The following PXDNL variants were observed in gnomAD, a reference collection of about 807,000 sequenced individuals.
PXDNL encodes the protein peroxidasin like.
A neutral mutation model predicts 150.8 loss-of-function variants in PXDNL; 145 were observed. That is an observed-to-expected ratio of 0.96 (90% CI 0.84 to 1.10). The LOEUF (loss-of-function observed/expected upper bound fraction) is 1.10, where lower values mean the gene tolerates loss of function less well. PXDNL is among the 50% of genes least tolerant of loss of function. The pLI, the probability that PXDNL is intolerant of heterozygous loss-of-function variation, is 0.00. For synonymous variants in PXDNL, 757 were observed against 725.7 expected, an observed-to-expected ratio of 1.04 and a Z score of -0.69; for missense variants, 2,087 against 1,873.9, an observed-to-expected ratio of 1.11 and a Z score of -2.10.
At chr8:51,655,116 T>C (rs1815123810) in intron 1 of PXDNL, among the ~76,000 whole-genome samples, 1 of 152,320 alleles carries the variant, frequency 6.6e-6, no homozygotes, top group Non-Finnish European at 1.5e-5. Flanking sequence ...TACATTTAGT[T>C]TGGAAAATAA....
In PXDNL at chr8:51,344,171, C is replaced by A. The variant is rs540902386; in HGVS notation, c.4016+1662G>T. Among the ~76,000 whole-genome samples the A allele has an allele frequency of 2.0e-5, 3 of 151,964 alleles. No individual in the cohort carries two copies. In the East Asian group the frequency reaches 5.8e-4, roughly 29 times the overall value. The stretch of plus-strand genomic sequence containing the variant: ...TCAGGGTGGAGTATAGTGCCGTGAT[C>A]GTAATTCATGGGAACCTCAAACTCC... On this transcript the variant is annotated intron_variant, in intron 20 of 22. Transcript: ENST00000356297.
At position 51,502,569 on chromosome 8, in the gene PXDNL, G is replaced by T. The variant is rs569258812; in HGVS notation, c.381-2799C>A. Among the ~76,000 whole-genome samples the T allele has an allele frequency of 5.2e-4, 79 of 152,198 alleles. 1 individual carries two copies. Among genetic ancestry groups the T allele is most frequent in the African/African-American group, 1.9e-3 (77 of 41,508 alleles). On this transcript the variant is annotated intron_variant, in intron 4 of 22. Coordinates refer to ENST00000356297, the MANE Select transcript of PXDNL (RefSeq NM_144651.5). Reference sequence around the variant, plus strand: ...CATAAAACAACCTAACAGGTCACAGGAAAGGAGTCACGAGCCGGGTCTGTG... The same window carrying T: ...CATAAAACAACCTAACAGGTCACAGTAAAGGAGTCACGAGCCGGGTCTGTG...
intron 2 of PXDNL, among the ~76,000 whole-genome samples, chr8:51,652,805 G>A (rs543705028): frequency 1.1e-4 from 17 of 151,968 alleles, no homozygotes; most frequent in Non-Finnish European, 2.2e-4. Context: ...ATTTTATTAC[G>A]GTTTTCTAAT....
chr8:51,727,294 C>T (rs1430695440), intron 1 of PXDNL, among the ~76,000 whole-genome samples: 2 of 152,126 alleles, frequency 1.3e-5, no homozygotes, highest in African/African-American at 4.8e-5. Flanking sequence ...TATCATTTTA[C>T]AATTACATAC....
chr8:51,475,105 A>C lies in PXDNL; in HGVS notation c.561T>G (p.Asp187Glu). Residue 187 changes from aspartate (D) to glutamate (E), a missense_variant, in exon 7 of 23, where the codon GAT becomes GAG. Physicochemically the swap from Asp to Glu is conservative, Grantham distance 45 (BLOSUM62 2). Transcript: ENST00000356297. ...GTAAAAGCTCCCCCAGCCACATCAG[A>C]TCACAGTCACAAACCAGGGCGTTGG... ...LDSNALVCDC[D>E]LMWLGELLQG... 1 of 1,613,936 alleles carries C rather than the reference A, an allele frequency of 6.2e-7. No homozygotes were observed. Among genetic ancestry groups the C allele is most frequent in the Non-Finnish European group, 8.5e-7 (1 of 1,179,826 alleles).
At chr8:51,335,466 G>A (rs1364513163) in intron 21 of PXDNL, among the ~76,000 whole-genome samples, 1 of 152,102 alleles carries the variant, frequency 6.6e-6, no homozygotes, top group Non-Finnish European at 1.5e-5. Flanking sequence ...GCTTCCTGGT[G>A]AGCTCCTTTC....
rs11992330 is a variant in PXDNL at position 51,740,518 on chromosome 8, G to T, written c.164+68663C>A. ...GTTGCTTCTTGACTTTTTAATAATC[G>T]CCACTCTGACTGGCATGAGATGGTA... On this transcript the variant is annotated intron_variant, in intron 1 of 22. Coordinates refer to ENST00000356297, the MANE Select transcript of PXDNL (RefSeq NM_144651.5). Among the ~76,000 whole-genome samples, 43 of 152,018 alleles carry T rather than the reference G, an allele frequency of 2.8e-4. 1 individual carries two copies. Among genetic ancestry groups the T allele is most frequent in the African/African-American group, 9.6e-4 (40 of 41,484 alleles).
chr8:51,553,771 T>TATATATATATACAC (rs1236843720), intron 4 of PXDNL, among the ~76,000 whole-genome samples: 12 of 63,856 alleles, frequency 1.9e-4, no homozygotes, highest in African/African-American at 9.3e-4. Flanking sequence ...TATATATATA[T>TATATATATATACAC]ACACACACTG....
chr8:51,649,961 G>C (rs1814999566), intron 2 of PXDNL, among the ~76,000 whole-genome samples: 1 of 151,940 alleles, frequency 6.6e-6, no homozygotes, highest in African/African-American at 2.4e-5. Context: ...AAATTGGCTA[G>C]GTGTGCTGGT....
Position 51,779,057 on chromosome 8 carries a change from T to C in PXDNL, c.164+30124A>G, listed in dbSNP as rs575146214. Among the ~76,000 whole-genome samples the C allele has an allele frequency of 3.9e-4, 59 of 152,320 alleles. No individual in the cohort carries two copies. The South Asian group carries it at 0.011, about 29-fold the overall frequency. ...TAGGATTATGAAACACTATATCCAC[T>C]GATAACCATAAACAAAGAAACATGT... On this transcript the variant is annotated intron_variant, in intron 1 of 22. Coordinates refer to ENST00000356297, the MANE Select transcript of PXDNL (RefSeq NM_144651.5).
In PXDNL at chr8:51,319,896, G is replaced by A. The variant is rs776133432; in HGVS notation, c.4387C>T (p.Arg1463Cys). 19 of 1,525,548 alleles carry A rather than the reference G, an allele frequency of 1.2e-5. No individual in the cohort carries two copies. Among genetic ancestry groups the A allele is most frequent in the South Asian group, 1.2e-4 (9 of 77,192 alleles). The allele number at this position is 1,525,548 out of a possible 1,614,324, so 94.5% of individuals were successfully genotyped here. ...TCAACAGCACAAAACTTTTATTAGC[G>A]CTTCTCTGGGGAATCACTTGGCATT... ...RGMPSDSPEK[R>C] Residue 1463 changes from arginine to cysteine, a missense_variant, in exon 23 of 23, where the codon CGC becomes TGC. Physicochemically the swap from Arg to Cys is radical, Grantham distance 180. Coordinates refer to ENST00000356297, the MANE Select transcript of PXDNL (RefSeq NM_144651.5).
At chr8:51,475,209 T>C (rs907827488) in intron 6 of PXDNL, 68 bp from the exon 7 acceptor site, 2 of 1,442,318 alleles carry the variant, frequency 1.4e-6, no homozygotes, top group African/African-American at 2.8e-5. Context: ...ATCTTTTGAG[T>C]GGTAATATTT....
At chr8:51,577,980 AAAGAAAGAAAGAAAGAAAG>A (rs1813105856) in intron 3 of PXDNL, among the ~76,000 whole-genome samples, 62 of 98,022 alleles carry the variant, frequency 6.3e-4, no homozygotes, top group Admixed American at 1.8e-3. Context: ...AGAAAGAAAG[AAAGAAAGAAAGAAAGAAAG>A]AGGAAGGAAG....
At chr8:51,351,917 C>T (rs182889313) in intron 19 of PXDNL, among the ~76,000 whole-genome samples, 1 of 152,082 alleles carries the variant, frequency 6.6e-6, no homozygotes, top group South Asian at 2.1e-4. Flanking sequence ...GAATCTTTCT[C>T]CCTCCATCTA....
chr8:51,724,622 A>G (rs1455750264), intron 1 of PXDNL, among the ~76,000 whole-genome samples: 1 of 152,188 alleles, frequency 6.6e-6, no homozygotes, highest in Non-Finnish European at 1.5e-5. Context: ...AGTTCTCCTT[A>G]GTCCATAAAA....
intron 2 of PXDNL, among the ~76,000 whole-genome samples, chr8:51,634,721 T>A (rs909597234): frequency 1.3e-5 from 2 of 151,856 alleles, no homozygotes; most frequent in Non-Finnish European, 2.9e-5. Flanking sequence ...TTCCTACATA[T>A]TTTATTTTTT....
intron 1 of PXDNL, among the ~76,000 whole-genome samples, chr8:51,733,909 G>C (rs1757845210): frequency 1.3e-5 from 2 of 148,522 alleles, no homozygotes; most frequent in Admixed American, 1.3e-4. Flanking sequence ...ACAAAAGAAG[G>C]GATATGAGAA....
At chr8:51,416,131 A>C (rs2129667445) in intron 14 of PXDNL, among the ~76,000 whole-genome samples, 1 of 152,320 alleles carries the variant, frequency 6.6e-6, no homozygotes, top group Non-Finnish European at 1.5e-5. Flanking sequence ...AAGCAGCATT[A>C]ATTACATGCT....
chr8:51,444,664 C>T (rs924927788), intron 12 of PXDNL, among the ~76,000 whole-genome samples: 7 of 152,108 alleles, frequency 4.6e-5, no homozygotes, highest in African/African-American at 1.7e-4. Context: ...GATGAAGGTT[C>T]TGCAAAGTAT....
Sources: allele counts gnomAD v4.1 joint callset (sites outside exome capture counted in the v4.1 genomes callset), GRCh38; gene constraint gnomAD v4.1.1; transcripts MANE v1.5; gene names NCBI Gene and HGNC (gene_info 2026-07-23, HGNC 2026-07-21).